Variants in ACSL6 observed in about 807,000 individuals in gnomAD.
ACSL6 encodes acyl-CoA synthetase long chain family member 6, also known as long-chain-fatty-acid--CoA ligase 6.
In ACSL6, 47 loss-of-function variants were observed where a neutral mutation model predicts 98.2. The observed-to-expected ratio is 0.48, with a 90% CI of 0.38 to 0.61. The LOEUF is 0.61. ACSL6 is among the 20% of genes least tolerant of loss of function. The pLI is 0.00. For synonymous variants in ACSL6, 362 were observed against 336.9 expected (o/e 1.07, Z -0.82); for missense variants, 761 against 913.4 (o/e 0.83, Z 2.15).
At chr5:131,967,855 A>G in intron 16 of ACSL6, 85 bp downstream of exon 16, 1 of 1,259,778 alleles carries the variant, frequency 7.9e-7, no homozygotes, top group Non-Finnish European at 1.1e-6. Flanking sequence ...ACAAGGCAAA[A>G]GGAAAATCAT....
intron 20 of ACSL6, among the ~76,000 whole-genome samples, chr5:131,954,755 G>A (rs1019536542): frequency 1.3e-5 from 2 of 152,174 alleles, no homozygotes; most frequent in African/African-American, 4.8e-5. Context: ...GGCATAGGAG[G>A]GGAGAGGGAG....
intron 15 of ACSL6, among the ~76,000 whole-genome samples, chr5:131,968,828 A>G (rs1405131206): frequency 2.0e-5 from 3 of 152,182 alleles, no homozygotes; most frequent in African/African-American, 7.2e-5. Context: ...TTCTCTTTTA[A>G]AAGAGAGGCT....
Position 131,990,912 on chromosome 5 carries a change from T to C in ACSL6, c.326A>G (p.His109Arg), listed in dbSNP as rs1393346650. ...VIGSGPQLLT[H>R]YYDDARTMYQ... is the part of the protein sequence containing the mutation. ...CATGGTCCGGGCATCATCATAGTAGTGGGTAAGTAGCTGAGGGCCAGACCC... is the reference window on the plus strand; with the variant it reads ...CATGGTCCGGGCATCATCATAGTAGCGGGTAAGTAGCTGAGGGCCAGACCC... The change falls in exon 3 of 21, where the codon CAC becomes CGC. Residue 109 changes from histidine (H) to arginine (R), a missense_variant. His to Arg is a conservative substitution (Grantham distance 29). Transcript: ENST00000651883. 1 of 1,613,834 alleles carries C rather than the reference T, an allele frequency of 6.2e-7. No individual in the cohort carries two copies. Among genetic ancestry groups the C allele is most frequent in the Admixed American group, 1.7e-5 (1 of 59,982 alleles).
chr5:131,972,146 T>C (rs1020167751), intron 13 of ACSL6, among the ~76,000 whole-genome samples: 1 of 152,206 alleles, frequency 6.6e-6, no homozygotes, highest in Non-Finnish European at 1.5e-5. Context: ...CAAGATATTT[T>C]AAATATTAAT....
At chr5:132,003,654 C>T (rs1477099112) in intron 1 of ACSL6, 1 of 152,264 alleles carries the variant, frequency 6.6e-6, no homozygotes, top group African/African-American at 2.4e-5. Context: ...CAAAGCAAAA[C>T]GAGGCCCCAG....
chr5:132,011,678 C>A (rs1274270055), upstream of ACSL6: 1 of 1,267,928 alleles, frequency 7.9e-7, no homozygotes. This position sits in a 1 kb window ranked among gnomAD's most constrained non-coding sequence, Gnocchi z 5.4. Flanking sequence ...TTTTAGCCCC[C>A]GCCCTCCGGC....
chr5:131,971,056 G>A (rs1753280387), intron 14 of ACSL6, among the ~76,000 whole-genome samples: 1 of 152,196 alleles, frequency 6.6e-6, no homozygotes, highest in Non-Finnish European at 1.5e-5. Context: ...CCACAACCAC[G>A]TTATGATACC....
At chr5:131,986,494 G>C (rs1754183968) in intron 8 of ACSL6, among the ~76,000 whole-genome samples, 1 of 152,252 alleles carries the variant, frequency 6.6e-6, no homozygotes, top group African/African-American at 2.4e-5. Context: ...TGGTTCTGCT[G>C]TTGCTTCTGT....
intron 17 of ACSL6, among the ~76,000 whole-genome samples, chr5:131,964,426 A>T (rs781486674): frequency 3.7e-4 from 57 of 152,386 alleles, no homozygotes; most frequent in Non-Finnish European, 6.0e-4. Context: ...ATAATAATTT[A>T]AAAAATGGAC....
At chr5:132,012,191 G>A, upstream of ACSL6, 1 of 438,964 alleles carries the variant, frequency 2.3e-6, no homozygotes. Context: ...TGCCACCTCT[G>A]CAAACCAGTG....
intron 2 of ACSL6, among the ~76,000 whole-genome samples, chr5:131,992,158 G>A (rs1471309897): frequency 6.6e-6 from 1 of 152,190 alleles, no homozygotes; most frequent in Non-Finnish European, 1.5e-5. Flanking sequence ...AGCACCACAT[G>A]CAAATGCACC....
In ACSL6 at chr5:131,989,454, C is replaced by T; in HGVS notation, c.505G>A (p.Ala169Thr). The T allele has an allele frequency of 6.2e-7, 1 of 1,614,066 alleles. No individual in the cohort carries two copies. The highest frequency in any genetic ancestry group is 8.5e-7 in the Non-Finnish European group (1 of 1,180,004). The change falls in exon 5 of 21, where the codon GCA becomes ACA. Residue 169 changes from alanine to threonine, a missense_variant. Ala to Thr is a moderately conservative substitution (Grantham distance 58). Transcript: ENST00000651883. ...ACACCAATAAACTGATCAGTGCATGCTTTACAATTGTGCTGGAGAAGTCCG... is the reference window on the plus strand; with the variant it reads ...ACACCAATAAACTGATCAGTGCATGTTTTACAATTGTGCTGGAGAAGTCCG... ...GSGLLQHNCKACTDQFIGVFA... is the reference protein window; with the variant it reads ...GSGLLQHNCKTCTDQFIGVFA...
chr5:131,959,439 T>G (rs530014818), intron 20 of ACSL6, 97 bp downstream of exon 20: 2 of 1,364,502 alleles, frequency 1.5e-6, no homozygotes, highest in Admixed American at 1.7e-5. Context: ...GGCCACACCA[T>G]GAAAAGTCAG....
At chr5:131,988,715 A>G in intron 6 of ACSL6, 90 bp downstream of exon 6, 1 of 1,561,690 alleles carries the variant, frequency 6.4e-7, no homozygotes, top group Non-Finnish European at 8.8e-7. Flanking sequence ...GCCTCTTACG[A>G]GTGTCAGACA....
intron 18 of ACSL6, 123 bp downstream of exon 18, chr5:131,962,409 AAGG>A (rs904741578): frequency 8.8e-7 from 1 of 1,140,300 alleles, no homozygotes; most frequent in African/African-American, 1.6e-5. Flanking sequence ...CTCCTTTAAA[AAGG>A]AGTTTTCTCT....
rs370745130 is a variant in ACSL6, at chr5:131,962,607, G to A, written c.1785C>T (p.Pro595=). The change falls in exon 18 of 21, where the codon CCC becomes CCT. Residue 595 remains proline, a synonymous_variant. Coordinates refer to ENST00000651883, the MANE Select transcript of ACSL6 (RefSeq NM_001009185.3). Reference sequence around the variant, plus strand: ...GGATGTAGATGTTCTCAATCTTCTCGGGTGCAACATATTCTCCCTGAGCAA... The same window carrying A: ...GGATGTAGATGTTCTCAATCTTCTCAGGTGCAACATATTCTCCCTGAGCAA... The part of the protein sequence containing the change: ...FKLAQGEYVA[P]EKIENIYIRS... The A allele has an allele frequency of 4.2e-5, 68 of 1,613,930 alleles. No individual in the cohort carries two copies. The highest frequency in any genetic ancestry group is 8.8e-5 in the South Asian group (8 of 91,080).
intron 16 of ACSL6, 90 bp downstream of exon 16, chr5:131,967,850 G>A (rs979698621): frequency 8.3e-7 from 1 of 1,204,872 alleles, no homozygotes; most frequent in Admixed American, 1.9e-5. Context: ...TATACACAAG[G>A]CAAAAGGAAA....
chr5:131,989,043 T>C (rs1754359388), intron 5 of ACSL6, 139 bp from the exon 6 acceptor site: 3 of 726,942 alleles, frequency 4.1e-6, no homozygotes, highest in Non-Finnish European at 7.0e-6. Context: ...GGGTTGTGTC[T>C]GCTCACCCAC....
chr5:131,965,790 A>G (rs1292013538), intron 17 of ACSL6, among the ~76,000 whole-genome samples: 1 of 152,216 alleles, frequency 6.6e-6, no homozygotes. Context: ...GGTAAGCAAC[A>G]CTGTGATCCC....
Sources: allele counts gnomAD v4.1 joint callset (sites outside exome capture counted in the v4.1 genomes callset), GRCh38; gene constraint gnomAD v4.1.1; non-coding constraint Gnocchi (gnomAD v3.1); transcripts MANE v1.5; gene names NCBI Gene and HGNC (gene_info 2026-07-23, HGNC 2026-07-21).